Variants in AKAP7 observed in about 807,000 individuals in gnomAD.
The protein encoded by AKAP7 is A kinase (PRKA) anchor protein 7.
In AKAP7, 39 loss-of-function variants were observed where a neutral mutation model predicts 39.5. The ratio of observed to expected loss-of-function variants is 0.99; its 90% confidence interval spans 0.76 to 1.29. The LOEUF (loss-of-function observed/expected upper bound fraction) is 1.29, where lower values mean the gene tolerates loss of function less well. Among genes scored for constraint, AKAP7 ranks in the 50% most tolerant of loss-of-function variants. The pLI is 0.00. For synonymous variants in AKAP7, 140 were observed against 139.1 expected (o/e 1.01, Z -0.05); for missense variants, 414 against 407.7 (o/e 1.02, Z -0.13).
At chr6:131,184,215 G>T (rs546605881) in intron 5 of AKAP7, 9 of 407,614 alleles carry the variant, frequency 2.2e-5, no homozygotes, top group African/African-American at 4.1e-5. Flanking sequence ...CCACCCCAAG[G>T]TTCTCTGGAC....
chr6:131,234,134 G>A (rs1449230915), intron 7 of AKAP7, among the ~76,000 whole-genome samples: 2 of 152,116 alleles, frequency 1.3e-5, no homozygotes, highest in Admixed American at 1.3e-4. Context: ...TGACTACTGT[G>A]CACATAAAGG....
chr6:131,195,141 G>A (rs955353559), intron 5 of AKAP7, among the ~76,000 whole-genome samples: 6 of 151,484 alleles, frequency 4.0e-5, no homozygotes, highest in African/African-American at 1.5e-4. Context: ...TTTTTAGTGA[G>A]GGTGATTTTC....
At position 131,247,644 on chromosome 6, in the gene AKAP7, A is replaced by T. The variant is rs143796820; in HGVS notation, c.850+27836A>T. On this transcript the variant is annotated intron_variant, in intron 7 of 7. Transcript: ENST00000431975. ...CATATTTTATTTCTTTTATAGAGACAGGGTCTCACTCGGTCACTCCTGCAC... is the reference window on the plus strand; with the variant it reads ...CATATTTTATTTCTTTTATAGAGACTGGGTCTCACTCGGTCACTCCTGCAC... 1.9e-3 allele frequency among the ~76,000 whole-genome samples: 291 copies of T among 151,336 alleles called. 3 individuals are homozygous for T. In the Middle Eastern group the frequency reaches 0.031, roughly 16 times the overall value.
In AKAP7 at chr6:131,195,918, G is replaced by C. The variant is rs182970150; in HGVS notation, c.590-3543G>C. Among the ~76,000 whole-genome samples, 28 of 152,146 alleles carry C rather than the reference G, an allele frequency of 1.8e-4. No individual in the cohort carries two copies. The East Asian group carries it at 4.1e-3, about 22-fold the overall frequency. On this transcript the variant is annotated intron_variant, in intron 5 of 7. Coordinates refer to ENST00000431975, the MANE Select transcript of AKAP7 (RefSeq NM_016377.4). ...GGCGTTTGATTATTAAATGCCTTTAGGTAGTCTTCTTTGAATTAAATCTGC... is the reference window on the plus strand; with the variant it reads ...GGCGTTTGATTATTAAATGCCTTTACGTAGTCTTCTTTGAATTAAATCTGC...
intron 7 of AKAP7, among the ~76,000 whole-genome samples, chr6:131,270,304 A>G (rs914555265): frequency 2.0e-4 from 30 of 152,218 alleles, no homozygotes; most frequent in Non-Finnish European, 2.9e-4. Context: ...CCAGAATGTC[A>G]TATAAATGAA....
intron 7 of AKAP7, among the ~76,000 whole-genome samples, chr6:131,256,136 C>G (rs996374556): frequency 6.6e-6 from 1 of 152,186 alleles, no homozygotes; most frequent in African/African-American, 2.4e-5. Flanking sequence ...CTGCTGCCCT[C>G]TTTCTGAAGC....
Position 131,184,891 on chromosome 6 carries a change from A to G in AKAP7, c.590-14570A>G. The G allele has an allele frequency of 3.5e-6, 4 of 1,154,186 alleles. No individual in the cohort carries two copies. In the South Asian group the frequency reaches 3.7e-5, roughly 11 times the overall value. The allele number at this position is 1,154,186 out of a possible 1,614,324, so 71.5% of individuals were successfully genotyped here. A position where few individuals can be genotyped will look rare whatever the true frequency, so the allele number is the denominator to read the frequency against. ...GGCATAGGGCTTATCCTGGTCCTCC[A>G]GGTTGGAAGCATCCAGCTCCTTATG... On this transcript the variant is annotated intron_variant, in intron 5 of 7. Coordinates refer to ENST00000431975, the MANE Select transcript of AKAP7 (RefSeq NM_016377.4).
chr6:131,137,643 A>G (rs1421502325), intron 1 of AKAP7: 2 of 151,542 alleles, frequency 1.3e-5, no homozygotes, highest in Non-Finnish European at 2.9e-5. Flanking sequence ...CGGCCTCCCA[A>G]AGTGCTGGGA....
At chr6:131,241,679 G>A (rs923458262) in intron 7 of AKAP7, among the ~76,000 whole-genome samples, 5 of 136,206 alleles carry the variant, frequency 3.7e-5, no homozygotes, top group African/African-American at 1.1e-4. Context: ...AGTAGTTCAA[G>A]CTATGGGTAT....
At chr6:131,128,526 A>G in the AKAP7 span, among the ~76,000 whole-genome samples, 4 of 152,208 alleles carry the variant, frequency 2.6e-5, no homozygotes, top group Non-Finnish European at 4.4e-5. Context: ...ATTTATTTTA[A>G]ATAAATAATT....
chr6:131,161,529 T>C, intron 3 of AKAP7, among the ~76,000 whole-genome samples: 1 of 150,812 alleles, frequency 6.6e-6, no homozygotes, highest in Non-Finnish European at 1.5e-5. Flanking sequence ...CCTGTGGTCC[T>C]AGCTACTTGG....
At chr6:131,212,370 T>C (rs1808749664) in intron 6 of AKAP7, among the ~76,000 whole-genome samples, 1 of 152,254 alleles carries the variant, frequency 6.6e-6, no homozygotes, top group Admixed American at 6.5e-5. Context: ...AAAATTGGTT[T>C]AAGGGCTACA....
rs1009922629 is a variant in AKAP7 at position 131,271,382 on chromosome 6, A to AT, written c.851-10140dup. On this transcript the variant is annotated intron_variant, in intron 7 of 7. Coordinates refer to ENST00000431975, the MANE Select transcript of AKAP7 (RefSeq NM_016377.4). ...CATACGTGTGTGAGTCTAGTTGCGG[A>AT]TTTTTTTTGTTTTGTTTTATTATCT... 2.6e-5 allele frequency among the ~76,000 whole-genome samples: 4 copies of AT among 151,826 alleles called. No individual in the cohort carries two copies. The East Asian group carries it at 5.8e-4, about 22-fold the overall frequency.
intron 6 of AKAP7, among the ~76,000 whole-genome samples, chr6:131,206,554 C>T (rs1025278922): frequency 1.3e-5 from 2 of 152,052 alleles, no homozygotes; most frequent in East Asian, 3.9e-4. Flanking sequence ...AAATTTTGTT[C>T]TGATGCTACC....
chr6:131,205,459 TC>T (rs775938373), intron 6 of AKAP7, among the ~76,000 whole-genome samples: 4 of 152,096 alleles, frequency 2.6e-5, no homozygotes, highest in Admixed American at 6.6e-5. Flanking sequence ...CGGGGTCCTG[TC>T]CTCTGGTAGG....
chr6:131,152,527 A>T (rs1400578010), intron 2 of AKAP7, among the ~76,000 whole-genome samples: 1 of 152,208 alleles, frequency 6.6e-6, no homozygotes, highest in Non-Finnish European at 1.5e-5. Context: ...GTATGCAAAC[A>T]AGAGAGAAGA....
At position 131,135,746 on chromosome 6, in the gene AKAP7, C is replaced by T. The variant is rs1341809409; in HGVS notation, c.-18C>T. ...CGCTGCCGCCAGCCCAGACGCGCCG[C>T]CCGCATGCGCCGCGACCATGGAGCG... is the stretch of plus-strand genomic sequence containing the variant. On this transcript the variant is annotated 5_prime_UTR_variant, in exon 1 of 8. Transcript: ENST00000431975. 9.0e-6 allele frequency: 11 copies of T among 1,224,218 alleles called. No homozygotes were observed. In the South Asian group the frequency reaches 3.3e-4, roughly 36 times the overall value. 75.8% of individuals were successfully genotyped at this position (1,224,218 alleles called of 1,614,324 possible). A position where few individuals can be genotyped will look rare whatever the true frequency, so the allele number is the denominator to read the frequency against.
intron 7 of AKAP7, among the ~76,000 whole-genome samples, chr6:131,254,810 GAC>G (rs1238118494): frequency 2.0e-5 from 3 of 152,202 alleles, no homozygotes; most frequent in Non-Finnish European, 4.4e-5. Flanking sequence ...GTTTTAACAA[GAC>G]ACATTTTAAT....
At chr6:131,268,534 C>T (rs1182192400) in intron 7 of AKAP7, among the ~76,000 whole-genome samples, 3 of 152,124 alleles carry the variant, frequency 2.0e-5, no homozygotes, top group Non-Finnish European at 2.9e-5. Flanking sequence ...TCTCAGCCTG[C>T]GAAGCCCTCT....
Sources: gnomAD v4.1 joint callset for allele counts (sites outside exome capture counted in the v4.1 genomes callset) on GRCh38, gnomAD v4.1.1 for gene constraint, MANE v1.5 for transcripts, NCBI Gene and HGNC (gene_info 2026-07-23, HGNC 2026-07-21) for gene names.